C1QTNF4: variants seen among roughly 807,000 people sequenced by gnomAD.
C1QTNF4 encodes the protein complement C1q tumor necrosis factor-related protein 4.
In C1QTNF4, 12 loss-of-function variants were observed where a neutral mutation model predicts 14.6. That is an observed-to-expected ratio of 0.82 (90% CI 0.53 to 1.33). The LOEUF is 1.33. C1QTNF4 is among the 40% of genes most tolerant of loss of function. The pLI is 0.00. For missense variants in C1QTNF4, 558 were observed against 500.3 expected, an observed-to-expected ratio of 1.12 and a Z score of -1.10; for synonymous variants, 278 against 246.6, an observed-to-expected ratio of 1.13 and a Z score of -1.19.
Position 47,590,354 on chromosome 11 carries a change from C to A in C1QTNF4, c.457G>T (p.Gly153Cys), listed in dbSNP as rs113439870. ...TCGGCGTCGGCGTAGACTAGGTAGC[C>A]GCTGAAGGTGGCGCCGGGCGCGCCT... ...ALGAPGATFS[G>C]YLVYADADAD... Residue 153 changes from glycine to cysteine, a missense_variant, in exon 2 of 2, where the codon GGC (glycine) becomes TGC (cysteine). Coordinates refer to ENST00000302514, the MANE Select transcript of C1QTNF4 (RefSeq NM_031909.3). 6 of 1,368,794 alleles carry A rather than the reference C, an allele frequency of 4.4e-6. No homozygotes were observed. Among genetic ancestry groups the A allele is most frequent in the South Asian group, 3.2e-5 (2 of 61,968 alleles). The allele number at this position is 1,368,794 out of a possible 1,614,324, so 84.8% of individuals were successfully genotyped here.
intron 1 of C1QTNF4, among the ~76,000 whole-genome samples, chr11:47,592,510 G>C (rs922890610): frequency 1.3e-5 from 2 of 152,126 alleles, no homozygotes; most frequent in African/African-American, 4.8e-5. Flanking sequence ...TAAGGGTTTA[G>C]GGACTCAGTC....
intron 1 of C1QTNF4, among the ~76,000 whole-genome samples, chr11:47,592,654 A>G (rs980797043): frequency 6.6e-6 from 1 of 152,192 alleles, no homozygotes. Context: ...TGATGTGGAA[A>G]CAAAACAGGA....
rs769890642 is a variant in C1QTNF4 at position 47,590,475 on chromosome 11, T to C, written c.336A>G (p.Pro112=). Residue 112 remains proline (P), a synonymous_variant, in exon 2 of 2, where the codon CCA becomes CCG. Transcript: ENST00000302514. ...QALAFDEQRR[P]GARRAASQSA... is the part of the protein sequence containing the mutation. The stretch of plus-strand genomic sequence containing the variant: ...TCTGGCTGGCTGCGCGCCGCGCGCC[T>C]GGCCGCCGCTGCTCGTCGAAGGCCA... 2.0e-6 allele frequency: 3 copies of C among 1,533,332 alleles called. No homozygotes were observed. The Admixed American group carries it at 6.1e-5, about 31-fold the overall frequency. 95.0% of individuals were successfully genotyped at this position (1,533,332 alleles called of 1,614,324 possible). A position where few individuals can be genotyped will look rare whatever the true frequency, so the allele number is the denominator to read the frequency against.
At chr11:47,591,895 TCTGC>T (rs2097275875) in intron 1 of C1QTNF4, among the ~76,000 whole-genome samples, 1 of 152,174 alleles carries the variant, frequency 6.6e-6, no homozygotes, top group African/African-American at 2.4e-5. Context: ...TGGTCCTTGG[TCTGC>T]CACTCACGCA....
rs200374127 is a variant in C1QTNF4 at position 47,590,168 on chromosome 11, C to T, written c.643G>A (p.Asp215Asn). 232 of 1,600,872 alleles carry T rather than the reference C, an allele frequency of 1.4e-4. 1 individual carries two copies. The highest frequency in any genetic ancestry group is 1.9e-4 in the South Asian group (17 of 90,102). Residue 215 changes from aspartate to asparagine, a missense_variant, in exon 2 of 2, where the codon GAC becomes AAC. Physicochemically the swap from Asp to Asn is conservative, Grantham distance 23 (BLOSUM62 1). Coordinates refer to ENST00000302514, the MANE Select transcript of C1QTNF4 (RefSeq NM_031909.3). ...CAGCGGAACACGCCGGCCGCCGCGTCGAAGTCGCCGCCAATGTTGACGAAC... is the reference window on the plus strand; with the variant it reads ...CAGCGGAACACGCCGGCCGCCGCGTTGAAGTCGCCGCCAATGTTGACGAAC... The part of the protein sequence containing the change: ...TEFVNIGGDF[D>N]AAAGVFRCRL...
At position 47,589,848 on chromosome 11, in the gene C1QTNF4, C is replaced by T. The variant is rs763794224; in HGVS notation, c.963G>A (p.Pro321=). 1.9e-6 allele frequency: 3 copies of T among 1,547,400 alleles called. No homozygotes were observed. Among genetic ancestry groups the T allele is most frequent in the East Asian group, 2.5e-5 (1 of 40,690 alleles). The change falls in exon 2 of 2, where the codon CCG becomes CCA. Residue 321 remains proline, a synonymous_variant. Transcript: ENST00000302514. ...VYPDLAPAAP[P]GLGASELL The stretch of plus-strand genomic sequence containing the variant: ...ACAGTAGCTCCGAGGCCCCGAGGCC[C>T]GGCGGGGCGGCGGGGGCGAGGTCGG...
chr11:47,591,658 G>T (rs1440601171), intron 1 of C1QTNF4, among the ~76,000 whole-genome samples: 8 of 152,186 alleles, frequency 5.3e-5, no homozygotes, highest in Non-Finnish European at 7.3e-5. Flanking sequence ...AAAGTGCTGG[G>T]ATTACAGGCG....
chr11:47,592,922 G>A (rs931909468), intron 1 of C1QTNF4, among the ~76,000 whole-genome samples: 8 of 152,300 alleles, frequency 5.3e-5, no homozygotes, highest in Middle Eastern at 3.4e-3. Flanking sequence ...TCCAGAGGAG[G>A]TGCTTTTTGT....
chr11:47,589,690 C>CCCGCTTT lies in C1QTNF4; in HGVS notation c.*124_*130dup. On this transcript the variant is annotated 3_prime_UTR_variant, in exon 2 of 2. Transcript: ENST00000302514. The stretch of plus-strand genomic sequence containing the variant: ...CCTGGGCTGCCGGGCGCTGCGCGTG[C>CCCGCTTT]CCGCTTTCCGCTTTATTGGCAGAGT... The CCCGCTTT allele has an allele frequency of 1.1e-6, 1 of 903,798 alleles. No individual in the cohort carries two copies. The highest frequency in any genetic ancestry group is 3.7e-4 in the Middle Eastern group (1 of 2,704). 56.0% of individuals were successfully genotyped at this position (903,798 alleles called of 1,614,324 possible).
chr11:47,592,603 T>G (rs2097276205), intron 1 of C1QTNF4, among the ~76,000 whole-genome samples: 1 of 152,186 alleles, frequency 6.6e-6, no homozygotes, highest in African/African-American at 2.4e-5. Context: ...TCCTGCTTCC[T>G]AGTAGGGCAC....
At chr11:47,592,620 T>C (rs2097276214) in intron 1 of C1QTNF4, among the ~76,000 whole-genome samples, 1 of 152,148 alleles carries the variant, frequency 6.6e-6, no homozygotes, top group Non-Finnish European at 1.5e-5. Context: ...GCACGTGCTT[T>C]GGGGCTTGAA....
In C1QTNF4 at chr11:47,590,207, C is replaced by G. The variant is rs765704742; in HGVS notation, c.604G>C (p.Ala202Pro). Reference sequence around the variant, plus strand: ...ATGTTGACGAACTCGGTGTCGAAGGCGAGTGGTTGGTGCCGCGGCCCGGGG... The same window carrying G: ...ATGTTGACGAACTCGGTGTCGAAGGGGAGTGGTTGGTGCCGCGGCCCGGGG... ...AGPGPRHQPL[A>P]FDTEFVNIGG... The change falls in exon 2 of 2, where the codon GCC (alanine) becomes CCC (proline). Residue 202 changes from alanine (A) to proline (P), a missense_variant. By Grantham distance (27) the Ala-to-Pro change is conservative. Coordinates refer to ENST00000302514, the MANE Select transcript of C1QTNF4 (RefSeq NM_031909.3). 7 of 1,578,336 alleles carry G rather than the reference C, an allele frequency of 4.4e-6. No individual in the cohort carries two copies. In the Admixed American group the frequency reaches 1.1e-4, roughly 24 times the overall value.
chr11:47,591,088 G>A lies in C1QTNF4; in HGVS notation c.-5-273C>T, dbSNP rs578113537. ...TAATTTGCATTTCTTTGTTTTGTTT[G>A]TTTGTTTTGAGATGGAGTCTCGCTC... is the stretch of plus-strand genomic sequence containing the variant. On this transcript the variant is annotated intron_variant, in intron 1 of 1. Coordinates refer to ENST00000302514, the MANE Select transcript of C1QTNF4 (RefSeq NM_031909.3). Among the ~76,000 whole-genome samples the A allele has an allele frequency of 1.8e-4, 28 of 152,290 alleles. No homozygotes were observed. The South Asian group carries it at 5.6e-3, about 30-fold the overall frequency.
In C1QTNF4 at chr11:47,590,160, C is replaced by T. The variant is rs768136607; in HGVS notation, c.651G>A (p.Ala217=). 1.2e-6 allele frequency: 2 copies of T among 1,600,910 alleles called. No homozygotes were observed. Among genetic ancestry groups the T allele is most frequent in the Admixed American group, 1.7e-5 (1 of 58,364 alleles). The part of the protein sequence containing the change: ...FVNIGGDFDA[A]AGVFRCRLPG... The stretch of plus-strand genomic sequence containing the variant: ...GCAGACGGCAGCGGAACACGCCGGC[C>T]GCCGCGTCGAAGTCGCCGCCAATGT... Residue 217 remains alanine, a synonymous_variant, in exon 2 of 2, where the codon GCG becomes GCA. Coordinates refer to ENST00000302514, the MANE Select transcript of C1QTNF4 (RefSeq NM_031909.3).
Position 47,589,925 on chromosome 11 carries a change from C to T in C1QTNF4, c.886G>A (p.Ala296Thr), listed in dbSNP as rs186546762. 97 of 1,601,722 alleles carry T rather than the reference C, an allele frequency of 6.1e-5. No homozygotes were observed. In the Admixed American group the frequency reaches 1.2e-3, roughly 20 times the overall value. ...LLSHDHDGYG[A>T]YSNHGKYITF... ...ATGTACTTGCCGTGGTTGCTGTAGG[C>T]GCCGTAGCCGTCGTGGTCGTGGCTG... Residue 296 changes from alanine to threonine, a missense_variant, in exon 2 of 2, where the codon GCC becomes ACC. Transcript: ENST00000302514.
Position 47,589,864 on chromosome 11 carries a change from G to A in C1QTNF4, c.947C>T (p.Ala316Val). 2 of 1,551,172 alleles carry A rather than the reference G, an allele frequency of 1.3e-6. No homozygotes were observed. Among genetic ancestry groups the A allele is most frequent in the East Asian group, 2.5e-5 (1 of 40,776 alleles). Residue 316 changes from alanine to valine, a missense_variant, in exon 2 of 2, where the codon GCC (alanine) becomes GTC (valine). Physicochemically the swap from Ala to Val is moderately conservative, Grantham distance 64. Coordinates refer to ENST00000302514, the MANE Select transcript of C1QTNF4 (RefSeq NM_031909.3). The part of the protein sequence containing the change: ...FSGFLVYPDL[A>V]PAAPPGLGAS... ...CCCGAGGCCCGGCGGGGCGGCGGGG[G>A]CGAGGTCGGGGTACACCAGGAAGCC...
chr11:47,590,462 C>T lies in C1QTNF4; in HGVS notation c.349G>A (p.Ala117Thr), dbSNP rs1306593606. 2 of 1,519,598 alleles carry T rather than the reference C, an allele frequency of 1.3e-6. No homozygotes were observed. Among genetic ancestry groups the T allele is most frequent in the Non-Finnish European group, 1.8e-6 (2 of 1,137,454 alleles). The allele number at this position is 1,519,598 out of a possible 1,614,324, so 94.1% of individuals were successfully genotyped here. ...DEQRRPGARR[A>T]ASQSAMLQLD... ...TGCAGCATGGCGCTCTGGCTGGCTG[C>T]GCGCCGCGCGCCTGGCCGCCGCTGC... Residue 117 changes from alanine (A) to threonine (T), a missense_variant, in exon 2 of 2, where the codon GCA becomes ACA. Physicochemically the swap from Ala to Thr is moderately conservative, Grantham distance 58. Coordinates refer to ENST00000302514, the MANE Select transcript of C1QTNF4 (RefSeq NM_031909.3).
At position 47,594,272 on chromosome 11, in the gene C1QTNF4, G is replaced by A; in HGVS notation, c.-130C>T. The A allele has an allele frequency of 6.6e-6, 1 of 152,344 alleles. No homozygotes were observed. The highest frequency in any genetic ancestry group is 1.5e-5 in the Non-Finnish European group (1 of 68,130). The allele number at this position is 152,344 out of a possible 1,614,324, so 9.4% of individuals were successfully genotyped here. ...CTGCGCGCTGACCGCCCGCGCTGCGGCAGGGGCGGCGGGGGCTCCGGCTGC... is the reference window on the plus strand; with the variant it reads ...CTGCGCGCTGACCGCCCGCGCTGCGACAGGGGCGGCGGGGGCTCCGGCTGC... On this transcript the variant is annotated 5_prime_UTR_variant, in exon 1 of 2. Coordinates refer to ENST00000302514, the MANE Select transcript of C1QTNF4 (RefSeq NM_031909.3).
intron 1 of C1QTNF4, among the ~76,000 whole-genome samples, chr11:47,591,784 C>A (rs1250591369): frequency 6.6e-6 from 1 of 152,228 alleles, no homozygotes; most frequent in Non-Finnish European, 1.5e-5. Context: ...GCCCCTACAC[C>A]TCCCATTTGA....
Sources: gnomAD v4.1 joint callset for allele counts (sites outside exome capture counted in the v4.1 genomes callset) on GRCh38, gnomAD v4.1.1 for gene constraint, MANE v1.5 for transcripts, NCBI Gene and HGNC (gene_info 2026-07-23, HGNC 2026-07-21) for gene names.